CCDC30: variants seen among roughly 807,000 people sequenced by gnomAD.
CCDC30 encodes coiled-coil domain containing 30.
In CCDC30, 70 loss-of-function variants were observed where a neutral mutation model predicts 100.2. The observed-to-expected ratio is 0.70, with a 90% CI of 0.58 to 0.85. The LOEUF (loss-of-function observed/expected upper bound fraction) is 0.85, where lower values mean the gene tolerates loss of function less well. Among genes scored for constraint, CCDC30 ranks in the 40% least tolerant of loss-of-function variants. The pLI, the probability that CCDC30 is intolerant of heterozygous loss-of-function variation, is 0.00. For missense variants in CCDC30, 652 were observed against 771.2 expected, an observed-to-expected ratio of 0.85 and a Z score of 1.83; for synonymous variants, 233 against 269.5, an observed-to-expected ratio of 0.86 and a Z score of 1.33.
chr1:42,643,777 T>C (rs1647646294), intron 13 of CCDC30, among the ~76,000 whole-genome samples: 1 of 152,240 alleles, frequency 6.6e-6, no homozygotes, highest in Non-Finnish European at 1.5e-5. Flanking sequence ...AAGTGCTTAC[T>C]GTGTGGGTAG....
At chr1:42,536,530 G>C (rs1253371284) in intron 6 of CCDC30, 2 of 767,846 alleles carry the variant, frequency 2.6e-6, no homozygotes, top group East Asian at 1.1e-4. Flanking sequence ...GTGGTCAAAA[G>C]AGAGAGAGAG....
Position 42,585,331 on chromosome 1 carries a change from T to C in CCDC30, c.1001+3817T>C, listed in dbSNP as rs571705917. Among the ~76,000 whole-genome samples the C allele has an allele frequency of 2.2e-3, 333 of 152,242 alleles. 1 individual carries two copies. Among genetic ancestry groups the C allele is most frequent in the Middle Eastern group, 3.4e-3 (1 of 294 alleles). ...CCCAGGCTGGTCTCAAGTTCCTGCATTCAAGTGATACTCCTGCCTCAGCCT... is the reference window on the plus strand; with the variant it reads ...CCCAGGCTGGTCTCAAGTTCCTGCACTCAAGTGATACTCCTGCCTCAGCCT... On this transcript the variant is annotated intron_variant, in intron 9 of 16. Coordinates refer to ENST00000668663, the Ensembl canonical transcript of CCDC30.
intron 15 of CCDC30, among the ~76,000 whole-genome samples, chr1:42,646,941 T>G (rs936992836): frequency 1.3e-4 from 19 of 151,840 alleles, no homozygotes; most frequent in Middle Eastern, 3.4e-3. Flanking sequence ...CTACTAAAAA[T>G]ACAAAAAAAT....
chr1:42,510,372 T>C (rs1036377446), intron 6 of CCDC30, among the ~76,000 whole-genome samples: 1 of 152,086 alleles, frequency 6.6e-6, no homozygotes, highest in Non-Finnish European at 1.5e-5. Context: ...GAGTTAAATT[T>C]TGGAGGCCAG....
intron 1 of CCDC30, chr1:42,464,364 A>G (rs904511628): frequency 2.0e-5 from 3 of 152,240 alleles, no homozygotes; most frequent in South Asian, 2.1e-4. Flanking sequence ...GTGTTTATCA[A>G]TGTGAAAAGG....
In CCDC30 at chr1:42,485,870, T is replaced by C. The variant is rs145567549; in HGVS notation, c.169+3054T>C. 5.9e-3 allele frequency among the ~76,000 whole-genome samples: 897 copies of C among 152,186 alleles called. 8 individuals are homozygous for C. The highest frequency in any genetic ancestry group is 0.02 in the African/African-American group (827 of 41,514). ...CATAAACATATACAATTATTATTTG[T>C]CGATTAAGAAGACGATGTTCGATAC... is the stretch of plus-strand genomic sequence containing the variant. On this transcript the variant is annotated intron_variant, in intron 3 of 16. Transcript: ENST00000668663.
At chr1:42,601,467 G>A (rs1331966290) in intron 10 of CCDC30, among the ~76,000 whole-genome samples, 1 of 152,146 alleles carries the variant, frequency 6.6e-6, no homozygotes, top group Non-Finnish European at 1.5e-5. Flanking sequence ...GCTGTATGAG[G>A]CAGAGTCCAT....
At chr1:42,468,704 A>C (rs1212068350) in intron 1 of CCDC30, 2 of 152,216 alleles carry the variant, frequency 1.3e-5, no homozygotes, top group Non-Finnish European at 2.9e-5. Flanking sequence ...TTAATCTTTC[A>C]AACAACAGAG....
intron 6 of CCDC30, among the ~76,000 whole-genome samples, chr1:42,503,218 C>T (rs1035980412): frequency 1.3e-5 from 2 of 152,086 alleles, no homozygotes; most frequent in African/African-American, 4.8e-5. Flanking sequence ...GGGGTAAATA[C>T]CTGGGGTTCG....
At chr1:42,551,183 T>C (rs1345543420) in intron 6 of CCDC30, among the ~76,000 whole-genome samples, 32 of 152,174 alleles carry the variant, frequency 2.1e-4, no homozygotes. Context: ...TTGTGCCTTG[T>C]AGAAGGTTAC....
intron 6 of CCDC30, among the ~76,000 whole-genome samples, chr1:42,509,874 T>TA (rs375317811): frequency 0.013 from 1,874 of 148,928 alleles, 16 homozygotes; most frequent in Non-Finnish European, 0.019. Context: ...GCCCACTGGT[T>TA]AAAAAAAAAA....
At chr1:42,630,376 T>G (rs1032913542) in intron 11 of CCDC30, among the ~76,000 whole-genome samples, 33 of 150,966 alleles carry the variant, frequency 2.2e-4, no homozygotes, top group Non-Finnish European at 1.5e-5. Context: ...TTTACTTTTC[T>G]TTTTCTTTTT....
At position 42,480,586 on chromosome 1, in the gene CCDC30, C is replaced by CA; in HGVS notation, c.15+24dup. The CA allele has an allele frequency of 4.1e-6, 4 of 984,708 alleles. No homozygotes were observed. Among genetic ancestry groups the CA allele is most frequent in the Non-Finnish European group, 4.8e-6 (4 of 829,438 alleles). 61.0% of individuals were successfully genotyped at this position (984,708 alleles called of 1,614,324 possible). On this transcript the variant is annotated intron_variant, in intron 2 of 16. Coordinates refer to ENST00000668663, the Ensembl canonical transcript of CCDC30. Reference sequence around the variant, plus strand: ...TTACAGGTGAGCCACCACACCCAGGCAAAATGACATTTTTGTTCATGAAGA... The same window carrying CA: ...TTACAGGTGAGCCACCACACCCAGGCAAAAATGACATTTTTGTTCATGAAGA...
intron 10 of CCDC30, among the ~76,000 whole-genome samples, chr1:42,600,937 C>T (rs1383956306): frequency 6.6e-6 from 1 of 151,998 alleles, no homozygotes; most frequent in Non-Finnish European, 1.5e-5. Context: ...TTGTAAGTTT[C>T]CTGAGGCCTC....
At chr1:42,479,236 C>T (rs1569739268) in intron 1 of CCDC30, among the ~76,000 whole-genome samples, 1 of 152,120 alleles carries the variant, frequency 6.6e-6, no homozygotes, top group African/African-American at 2.4e-5. Context: ...ATTAGCCGGG[C>T]GTGGTTGTGG....
At chr1:42,500,241 T>C (rs1413021142) in intron 6 of CCDC30, 3 of 1,605,878 alleles carry the variant, frequency 1.9e-6, no homozygotes, top group Non-Finnish European at 1.7e-6. Flanking sequence ...GTTCAATCGT[T>C]TCTTTGGAAG....
intron 6 of CCDC30, among the ~76,000 whole-genome samples, chr1:42,520,262 C>A (rs1644617059): frequency 7.1e-6 from 1 of 140,614 alleles, no homozygotes; most frequent in Admixed American, 7.1e-5. Context: ...CTTCACTTTG[C>A]TTTTTCTGTA....
intron 1 of CCDC30, among the ~76,000 whole-genome samples, chr1:42,465,656 T>C (rs11210649): frequency 0.39 from 58,932 of 151,890 alleles, 11,919 homozygotes; most frequent in East Asian, 0.59. Context: ...TGAGCCACGG[T>C]ACCCGACCTC....
Position 42,575,649 on chromosome 1 carries a change from C to CAAAAAAAAAA in CCDC30, c.637-1362_637-1361insAAAAAAAAAA, listed in dbSNP as rs71065186. Among the ~76,000 whole-genome samples the CAAAAAAAAAA allele has an allele frequency of 6.2e-4, 48 of 76,950 alleles. 8 individuals are homozygous for CAAAAAAAAAA. The highest frequency in any genetic ancestry group is 9.3e-3 in the Middle Eastern group (1 of 108). 50.5% of individuals were successfully genotyped at this position (76,950 alleles called of 152,430 possible). On this transcript the variant is annotated intron_variant, in intron 7 of 16. Coordinates refer to ENST00000668663, the Ensembl canonical transcript of CCDC30. Reference sequence around the variant, plus strand: ...TGGGCGACAGAGAGAGACCCTGTCTCAAAAAAAAAGAAGCAAACAAACAAA... The same window carrying CAAAAAAAAAA: ...TGGGCGACAGAGAGAGACCCTGTCTCAAAAAAAAAAAAAAAAAAAGAAGCAAACAAACAAA...
Sources: allele counts gnomAD v4.1 joint callset (sites outside exome capture counted in the v4.1 genomes callset), GRCh38; gene constraint gnomAD v4.1.1; transcripts MANE v1.5; gene names NCBI Gene and HGNC (gene_info 2026-07-23, HGNC 2026-07-21).